The following PPARGC1A variants were observed in gnomAD, a reference collection of about 807,000 sequenced individuals.
PPARGC1A encodes the protein PPARG coactivator 1 alpha.
A neutral mutation model predicts 88.7 loss-of-function variants in PPARGC1A; 25 were observed. That is an observed-to-expected ratio of 0.28 (90% CI 0.21 to 0.39). PPARGC1A has a LOEUF of 0.39. PPARGC1A is among the 10% of genes least tolerant of loss of function. The pLI is 1.00. For synonymous variants in PPARGC1A, 363 were observed against 355.6 expected (o/e 1.02, Z -0.24); for missense variants, 880 against 968.7 (o/e 0.91, Z 1.22).
intron 10 of PPARGC1A, among the ~76,000 whole-genome samples, chr4:23,809,852 GATC>G (rs1449666921): frequency 6.6e-6 from 1 of 152,064 alleles, no homozygotes; most frequent in Non-Finnish European, 1.5e-5. Context: ...TTAGGATTTG[GATC>G]AGTCTTATAC....
At chr4:23,857,146 T>G (rs1347067706) in intron 2 of PPARGC1A, among the ~76,000 whole-genome samples, 1 of 151,656 alleles carries the variant, frequency 6.6e-6, no homozygotes, top group African/African-American at 2.4e-5. Flanking sequence ...ATGTAACAGG[T>G]CTCTCCATAT....
chr4:24,302,856 G>T, the PPARGC1A span, among the ~76,000 whole-genome samples: 1 of 152,322 alleles, frequency 6.6e-6, no homozygotes, highest in Admixed American at 6.5e-5. Context: ...ATAGACTCAA[G>T]ATCTGATTCC....
chr4:24,175,632 C>T, the PPARGC1A span, among the ~76,000 whole-genome samples: 1 of 148,964 alleles, frequency 6.7e-6, no homozygotes, highest in Non-Finnish European at 1.5e-5. Context: ...AGGTGATCTG[C>T]CCGCCTCGGC....
At chr4:23,965,726 CT>C in the PPARGC1A span, among the ~76,000 whole-genome samples, 1 of 152,172 alleles carries the variant, frequency 6.6e-6, no homozygotes, top group African/African-American at 2.4e-5. Context: ...GCTATGGGCC[CT>C]TCCGAACCCA....
the PPARGC1A span, among the ~76,000 whole-genome samples, chr4:24,300,960 A>G: frequency 6.6e-6 from 1 of 152,164 alleles, no homozygotes; most frequent in Admixed American, 6.5e-5. Flanking sequence ...TACAGATGAG[A>G]GAGCAGAAGG....
At chr4:24,321,014 G>A in the PPARGC1A span, among the ~76,000 whole-genome samples, 1 of 152,108 alleles carries the variant, frequency 6.6e-6, no homozygotes, top group Non-Finnish European at 1.5e-5. Flanking sequence ...AGTCCCAGCT[G>A]CACTAATGAA....
chr4:24,253,492 T>G, the PPARGC1A span, among the ~76,000 whole-genome samples: 2 of 152,158 alleles, frequency 1.3e-5, no homozygotes, highest in African/African-American at 4.8e-5. Flanking sequence ...GTATGCAGAG[T>G]GTTTCTTGTA....
chr4:23,825,252 T>C (rs537235640), intron 5 of PPARGC1A: 1 of 152,256 alleles, frequency 6.6e-6, no homozygotes, highest in South Asian at 2.1e-4. Flanking sequence ...GTGGCAATCT[T>C]GTATTTTGAA....
the PPARGC1A span, among the ~76,000 whole-genome samples, chr4:24,094,046 G>T: frequency 5.2e-3 from 785 of 152,256 alleles, 4 homozygotes; most frequent in Non-Finnish European, 8.6e-3. Context: ...TTCCCAGGGT[G>T]GGGGAGGCTT....
chr4:24,005,879 A>G, the PPARGC1A span, among the ~76,000 whole-genome samples: 1 of 152,208 alleles, frequency 6.6e-6, no homozygotes, highest in African/African-American at 2.4e-5. Flanking sequence ...GGCTCAGATT[A>G]AGTGTGGGAG....
the PPARGC1A span, among the ~76,000 whole-genome samples, chr4:23,936,263 G>A: frequency 2.0e-5 from 3 of 152,194 alleles, no homozygotes; most frequent in East Asian, 5.8e-4. Context: ...ATATAACATA[G>A]GCACTGTTTT....
chr4:24,335,591 C>T, the PPARGC1A span, among the ~76,000 whole-genome samples: 6 of 152,278 alleles, frequency 3.9e-5, no homozygotes, highest in South Asian at 8.3e-4. Context: ...AAGCCACCCC[C>T]GAAAAGTTTC....
At chr4:23,803,682 A>C (rs1025859734) in intron 10 of PPARGC1A, among the ~76,000 whole-genome samples, 1 of 152,202 alleles carries the variant, frequency 6.6e-6, no homozygotes, top group Non-Finnish European at 1.5e-5. Context: ...GTGCTCACCA[A>C]CTAGTTTGTA....
the PPARGC1A span, among the ~76,000 whole-genome samples, chr4:23,963,203 T>C: frequency 3.0e-3 from 461 of 152,306 alleles, 3 homozygotes; most frequent in Non-Finnish European, 4.5e-3. Flanking sequence ...GAAGATCTTT[T>C]ATGATTGTTC....
chr4:23,909,892 T>A, the PPARGC1A span, among the ~76,000 whole-genome samples: 1 of 151,400 alleles, frequency 6.6e-6, no homozygotes, highest in East Asian at 2.0e-4. Flanking sequence ...CCAGGTCCAA[T>A]GTTAGCTGCT....
chr4:24,224,064 T>G, the PPARGC1A span, among the ~76,000 whole-genome samples: 1 of 152,140 alleles, frequency 6.6e-6, no homozygotes, highest in Non-Finnish European at 1.5e-5. Flanking sequence ...TACATTCCAG[T>G]AAGAGTTGAG....
the PPARGC1A span, among the ~76,000 whole-genome samples, chr4:24,467,008 G>GAGAAAGATAGAAAGAAAGAAAGAAAGAA: frequency 7.8e-6 from 1 of 128,838 alleles, no homozygotes; most frequent in African/African-American, 3.1e-5. Flanking sequence ...GAAGGAAGGG[G>GAGAAAGATAGAAAGAAAGAAAGAAAGAA]AGAAAGAAAG....
chr4:23,924,422 T>C, the PPARGC1A span, among the ~76,000 whole-genome samples: 6 of 152,070 alleles, frequency 3.9e-5, no homozygotes, highest in African/African-American at 1.4e-4. Context: ...GGTCAAGAGA[T>C]CGAGACCATC....
At chr4:24,249,790 G>A in the PPARGC1A span, among the ~76,000 whole-genome samples, 54 of 152,232 alleles carry the variant, frequency 3.5e-4, no homozygotes, top group Admixed American at 2.2e-3. Context: ...ACTATACTAC[G>A]TCCCTAAGCC....
Sources: allele counts gnomAD v4.1 joint callset (sites outside exome capture counted in the v4.1 genomes callset), GRCh38; gene constraint gnomAD v4.1.1; transcripts MANE v1.5; gene names NCBI Gene and HGNC (gene_info 2026-07-23, HGNC 2026-07-21).